Variants in DYNC2H1 observed in about 807,000 individuals in gnomAD.
The protein encoded by DYNC2H1 is dynein cytoplasmic 2 heavy chain 1.
DYNC2H1 carries 410 observed loss-of-function variants against 570.0 expected under a neutral mutation model. That is an observed-to-expected ratio of 0.72 (90% CI 0.66 to 0.78). The LOEUF (loss-of-function observed/expected upper bound fraction) is 0.78. Ranked by LOEUF, DYNC2H1 falls within the 30% of genes least tolerant of loss-of-function variation. The pLI is 0.00. For synonymous variants in DYNC2H1, 1,688 were observed against 1,677.6 expected (o/e 1.01, Z -0.15); for missense variants, 4,865 against 5,046.4 (o/e 0.96, Z 1.09).
chr11:103,324,792 T>G lies in DYNC2H1; in HGVS notation c.12039+802T>G, dbSNP rs1938385762. Reference sequence around the variant, plus strand: ...AGTTCTTCGAGAAATCGCCAAACTATTTTCCACAATGGTTGATCTAATTTG... The same window carrying G: ...AGTTCTTCGAGAAATCGCCAAACTAGTTTCCACAATGGTTGATCTAATTTG... On this transcript the variant is annotated intron_variant, in intron 82 of 88. Transcript: ENST00000375735. This position sits in a 1 kb window ranked among gnomAD's most constrained non-coding sequence, Gnocchi z 5.2. 6.6e-6 allele frequency among the ~76,000 whole-genome samples: 1 copy of G among 152,178 alleles called. No homozygotes were observed. Among genetic ancestry groups the G allele is most frequent in the Non-Finnish European group, 1.5e-5 (1 of 68,018 alleles).
intron 84 of DYNC2H1, among the ~76,000 whole-genome samples, chr11:103,415,287 A>C (rs1311684147): frequency 1.3e-5 from 2 of 152,220 alleles, no homozygotes; most frequent in African/African-American, 4.8e-5. Context: ...CACCAAAAGC[A>C]ATGGCATGCA....
rs1346831882 is a variant in DYNC2H1 at position 103,203,303 on chromosome 11, G to A, written c.8198-360G>A. 6.6e-6 allele frequency among the ~76,000 whole-genome samples: 1 copy of A among 152,152 alleles called. No individual in the cohort carries two copies. Among genetic ancestry groups the A allele is most frequent in the Admixed American group, 6.6e-5 (1 of 15,260 alleles). On this transcript the variant is annotated intron_variant, in intron 50 of 88. Transcript: ENST00000375735. The surrounding 1 kb of genome is among the most constrained non-coding windows in gnomAD (Gnocchi z 4.7). ...ATCTTGAAGGATAAGAATTTATTGG[G>A]TATCAAGATAAGGGGCAGAGGATGA... is the stretch of plus-strand genomic sequence containing the variant.
chr11:103,387,412 G>A (rs1409657610), intron 83 of DYNC2H1, among the ~76,000 whole-genome samples: 1 of 152,178 alleles, frequency 6.6e-6, no homozygotes, highest in Admixed American at 6.5e-5. Flanking sequence ...CCCTTTGTCA[G>A]ATGAGTAGAT....
At chr11:103,410,867 C>A (rs1943056942) in intron 84 of DYNC2H1, among the ~76,000 whole-genome samples, 1 of 152,136 alleles carries the variant, frequency 6.6e-6, no homozygotes, top group South Asian at 2.1e-4. Flanking sequence ...ATCAGTATAG[C>A]TTAAACGTTC....
In DYNC2H1 at chr11:103,469,556, C is replaced by T. The variant is rs540053337; in HGVS notation, c.12765+851C>T. Among the ~76,000 whole-genome samples, 11 of 152,106 alleles carry T rather than the reference C, an allele frequency of 7.2e-5. No individual in the cohort carries two copies. In the South Asian group the frequency reaches 2.1e-3, roughly 29 times the overall value. ...CTCCTTATAAAATAAAAATCAAATGCACCAGAGTATTTATTTAAGGAAAAT... is the reference window on the plus strand; with the variant it reads ...CTCCTTATAAAATAAAAATCAAATGTACCAGAGTATTTATTTAAGGAAAAT... On this transcript the variant is annotated intron_variant, in intron 88 of 88. Transcript: ENST00000375735.
Position 103,236,544 on chromosome 11 carries a change from T to G in DYNC2H1, c.9819+5T>G, listed in dbSNP as rs767230766. On this transcript the variant is annotated splice_donor_5th_base_variant and intron_variant, in intron 63 of 88. Coordinates refer to ENST00000375735, the MANE Select transcript of DYNC2H1 (RefSeq NM_001377.3). Reference sequence around the variant, plus strand: ...AATGCTCTTGTAATATTACAGGTAGTTAATTTATTTTAATTTTTTTATTAG... The same window carrying G: ...AATGCTCTTGTAATATTACAGGTAGGTAATTTATTTTAATTTTTTTATTAG... 1 of 1,394,504 alleles carries G rather than the reference T, an allele frequency of 7.2e-7. No homozygotes were observed. The highest frequency in any genetic ancestry group is 2.3e-5 in the East Asian group (1 of 42,826). 86.4% of individuals were successfully genotyped at this position (1,394,504 alleles called of 1,614,324 possible). A position where few individuals can be genotyped will look rare whatever the true frequency, so the allele number is the denominator to read the frequency against.
intron 42 of DYNC2H1, among the ~76,000 whole-genome samples, chr11:103,187,029 C>T (rs559253596): frequency 3.3e-5 from 5 of 151,792 alleles, no homozygotes; most frequent in African/African-American, 1.2e-4. Flanking sequence ...TCTTAAAATC[C>T]TTCAACTGTG....
chr11:103,454,222 A>G (rs910184046), intron 85 of DYNC2H1, among the ~76,000 whole-genome samples: 16 of 152,256 alleles, frequency 1.1e-4, no homozygotes, highest in Non-Finnish European at 2.4e-4. Flanking sequence ...AAATGAACAC[A>G]TATTTTTCTA....
At chr11:103,332,620 T>TAA (rs1938877093) in intron 82 of DYNC2H1, among the ~76,000 whole-genome samples, 1 of 152,174 alleles carries the variant, frequency 6.6e-6, no homozygotes, top group Non-Finnish European at 1.5e-5. Flanking sequence ...AGTCAGAAGA[T>TAA]AATGGAATCG....
intron 85 of DYNC2H1, among the ~76,000 whole-genome samples, chr11:103,443,951 C>G (rs1159055556): frequency 6.6e-6 from 1 of 151,800 alleles, no homozygotes; most frequent in Non-Finnish European, 1.5e-5. Context: ...CATAACTCTT[C>G]CTCTTAAAAG....
rs1938396331 is a variant in DYNC2H1, at chr11:103,324,985, T to A, written c.12039+995T>A. 6.6e-6 allele frequency among the ~76,000 whole-genome samples: 1 copy of A among 152,176 alleles called. No individual in the cohort carries two copies. The highest frequency in any genetic ancestry group is 2.1e-4 in the South Asian group (1 of 4,834). On this transcript the variant is annotated intron_variant, in intron 82 of 88. Coordinates refer to ENST00000375735, the MANE Select transcript of DYNC2H1 (RefSeq NM_001377.3). The surrounding 1 kb of genome is among the most constrained non-coding windows in gnomAD (Gnocchi z 5.2). ...TCACAATGTCAAATATTTTTTCATA[T>A]GTTTATTGGCCGTATGTATGTCTTC...
chr11:103,156,417 T>G lies in DYNC2H1; in HGVS notation c.3774T>G (p.Val1258=). 1 of 1,613,622 alleles carries G rather than the reference T, an allele frequency of 6.2e-7. No individual in the cohort carries two copies. The change falls in exon 26 of 89, where the codon GTT becomes GTG. Residue 1258 remains valine (V), a synonymous_variant. Transcript: ENST00000375735. ...KDLNSRAQGE[V]TIREALRELD... ...TAAATAGTCGGGCACAAGGTGAAGT[T>G]ACAATCAGAGAAGCTTTACGTGAAC...
At position 103,125,366 on chromosome 11, in the gene DYNC2H1, CT is replaced by C. The variant is rs71465387; in HGVS notation, c.1857+90del. On this transcript the variant is annotated intron_variant, in intron 12 of 88. Coordinates refer to ENST00000375735, the MANE Select transcript of DYNC2H1 (RefSeq NM_001377.3). ...ACGTTAAACTAGAATATGCTAAAGGCTTTTTTTTTTTTTTTTTTTAGGCTCA... is the reference window on the plus strand; with the variant it reads ...ACGTTAAACTAGAATATGCTAAAGGCTTTTTTTTTTTTTTTTTTAGGCTCA... The C allele has an allele frequency of 0.21, 115,731 of 549,772 alleles. 50 individuals carry two copies. The highest frequency in any genetic ancestry group is 0.25 in the Middle Eastern group (448 of 1,784). The allele number at this position is 549,772 out of a possible 1,614,324, so 34.1% of individuals were successfully genotyped here. A position where few individuals can be genotyped will look rare whatever the true frequency, so the allele number is the denominator to read the frequency against.
Position 103,253,385 on chromosome 11 carries a change from G to A in DYNC2H1, c.10143G>A (p.Pro3381=), listed in dbSNP as rs370992556. Residue 3381 remains proline, a synonymous_variant, in exon 66 of 89, where the codon CCG becomes CCA. Transcript: ENST00000375735. ...STRNPNPFIP[P]DAASIVTEVN... Reference sequence around the variant, plus strand: ...GAAACCCAAATCCTTTTATTCCACCGGATGCAGCTTCCATTGTTACTGAGG... The same window carrying A: ...GAAACCCAAATCCTTTTATTCCACCAGATGCAGCTTCCATTGTTACTGAGG... The A allele has an allele frequency of 3.6e-5, 58 of 1,612,936 alleles. No homozygotes were observed. Among genetic ancestry groups the A allele is most frequent in the African/African-American group, 1.7e-4 (13 of 74,830 alleles).
chr11:103,247,369 T>C (rs1294442177), intron 65 of DYNC2H1, among the ~76,000 whole-genome samples: 1 of 152,030 alleles, frequency 6.6e-6, no homozygotes, highest in South Asian at 2.1e-4. Context: ...AACATAAAGG[T>C]TAAATTTGTG....
At chr11:103,235,271 T>A (rs767369848) in intron 61 of DYNC2H1, among the ~76,000 whole-genome samples, 21 of 151,980 alleles carry the variant, frequency 1.4e-4, no homozygotes, top group Non-Finnish European at 2.8e-4. Context: ...CTGCTGAATC[T>A]TGTGCTTTAT....
intron 83 of DYNC2H1, among the ~76,000 whole-genome samples, chr11:103,374,073 A>G (rs527845007): frequency 6.6e-6 from 1 of 152,280 alleles, no homozygotes; most frequent in Non-Finnish European, 1.5e-5. Flanking sequence ...ATTTGTCTTT[A>G]ATGAGTAGGC....
chr11:103,118,874 G>A (rs1858553821), intron 6 of DYNC2H1, among the ~76,000 whole-genome samples: 2 of 152,102 alleles, frequency 1.3e-5, no homozygotes, highest in Non-Finnish European at 2.9e-5. Flanking sequence ...TAATCTGTGA[G>A]GGTTCAGGTA....
chr11:103,235,218 A>G (rs1233357675), intron 61 of DYNC2H1, among the ~76,000 whole-genome samples: 2 of 151,914 alleles, frequency 1.3e-5, no homozygotes, highest in Admixed American at 6.6e-5. Flanking sequence ...TCTGCCTTTA[A>G]TTAGCTCTAT....
Sources: gnomAD v4.1 joint callset for allele counts (sites outside exome capture counted in the v4.1 genomes callset) on GRCh38, gnomAD v4.1.1 for gene constraint, Gnocchi (gnomAD v3.1) non-coding constraint, MANE v1.5 for transcripts, NCBI Gene and HGNC (gene_info 2026-07-23, HGNC 2026-07-21) for gene names.